BLMH: variants seen among roughly 807,000 people sequenced by gnomAD.
BLMH encodes the protein bleomycin hydrolase.
Under a neutral mutation model 61.6 loss-of-function variants are expected in BLMH, and 32 were observed. That is an observed-to-expected ratio of 0.52 (90% CI 0.39 to 0.70). The LOEUF (loss-of-function observed/expected upper bound fraction) is 0.70. Among genes scored for constraint, BLMH ranks in the 30% least tolerant of loss-of-function variants. The pLI, the probability that BLMH is intolerant of heterozygous loss-of-function variation, is 0.00. For missense variants in BLMH, 460 were observed against 555.5 expected, an observed-to-expected ratio of 0.83 and a Z score of 1.73; for synonymous variants, 183 against 193.8, an observed-to-expected ratio of 0.94 and a Z score of 0.46.
At chr17:30,259,155 A>G (rs1014747341) in intron 11 of BLMH, among the ~76,000 whole-genome samples, 19 of 152,204 alleles carry the variant, frequency 1.2e-4, no homozygotes, top group African/African-American at 4.1e-4. Context: ...TATTCTTACA[A>G]TAGGTTACAA....
At chr17:30,286,326 T>C (rs1463060127) in intron 5 of BLMH, among the ~76,000 whole-genome samples, 2 of 152,224 alleles carry the variant, frequency 1.3e-5, no homozygotes, top group Non-Finnish European at 2.9e-5. Context: ...TTAAGATAAC[T>C]GAAGCAAATA....
At position 30,275,945 on chromosome 17, in the gene BLMH, T is replaced by C. The variant is rs1386082478; in HGVS notation, c.646-1748A>G. Reference sequence around the variant, plus strand: ...TTATATTTACCAAGTGTGCCTATATTGTGCTAGATACTATGTATTTGCTAG... The same window carrying C: ...TTATATTTACCAAGTGTGCCTATATCGTGCTAGATACTATGTATTTGCTAG... On this transcript the variant is annotated intron_variant, in intron 6 of 11. Transcript: ENST00000261714. 3.3e-5 allele frequency among the ~76,000 whole-genome samples: 5 copies of C among 152,180 alleles called. No homozygotes were observed. The East Asian group carries it at 9.6e-4, about 29-fold the overall frequency.
chr17:30,266,737 A>T (rs1908121462), intron 11 of BLMH, 148 bp downstream of exon 11: 1 of 726,342 alleles, frequency 1.4e-6, no homozygotes, highest in South Asian at 1.8e-5. Flanking sequence ...CCTGGGGGCA[A>T]ATCAGATCCT....
At chr17:30,253,361 C>G (rs867015118) in intron 11 of BLMH, among the ~76,000 whole-genome samples, 3 of 152,218 alleles carry the variant, frequency 2.0e-5, no homozygotes, top group Non-Finnish European at 2.9e-5. Flanking sequence ...TTCAATGTCC[C>G]TGCCAAGAGG....
intron 11 of BLMH, among the ~76,000 whole-genome samples, chr17:30,260,744 A>C (rs1359364675): frequency 6.6e-6 from 1 of 152,122 alleles, no homozygotes; most frequent in African/African-American, 2.4e-5. Flanking sequence ...TTAGCTGGGC[A>C]TGGTGGCAGG....
intron 5 of BLMH, 63 bp from the exon 6 acceptor site, chr17:30,285,543 T>A: frequency 7.6e-7 from 1 of 1,323,760 alleles, no homozygotes; most frequent in East Asian, 2.4e-5. Flanking sequence ...ATGACTCTCA[T>A]AGACCAACGC....
At chr17:30,287,575 T>C (rs941404077) in intron 4 of BLMH, among the ~76,000 whole-genome samples, 27 of 152,236 alleles carry the variant, frequency 1.8e-4, no homozygotes, top group African/African-American at 6.0e-4. Context: ...TTCTCCTTAA[T>C]ACTACCTTTT....
intron 5 of BLMH, among the ~76,000 whole-genome samples, chr17:30,285,794 C>T (rs1902351417): frequency 6.6e-6 from 1 of 152,138 alleles, no homozygotes; most frequent in Admixed American, 6.5e-5. Context: ...GCCTATCACT[C>T]AGAAAAAGCA....
chr17:30,276,160 T>C (rs1908419101), intron 6 of BLMH, among the ~76,000 whole-genome samples: 1 of 152,076 alleles, frequency 6.6e-6, no homozygotes, highest in African/African-American at 2.4e-5. Context: ...AACAACAAAA[T>C]ATTGCTCCTT....
intron 11 of BLMH, among the ~76,000 whole-genome samples, chr17:30,256,706 T>A: frequency 6.6e-6 from 1 of 151,816 alleles, no homozygotes. Flanking sequence ...TTATAAACAT[T>A]TTTCTGCTAT....
At chr17:30,287,774 A>G (rs750412507) in intron 4 of BLMH, 32 bp downstream of exon 4, 1 of 1,610,796 alleles carries the variant, frequency 6.2e-7, no homozygotes. Flanking sequence ...AATCATGCTG[A>G]GTTTCAGTTC....
At position 30,291,510 on chromosome 17, in the gene BLMH, T is replaced by C; in HGVS notation, c.14-2A>G. ...CAGCTACCTTCTCCGAATTCAGTCCTGTTGGGAGACCAAACAGGATTTTAA... is the reference window on the plus strand; with the variant it reads ...CAGCTACCTTCTCCGAATTCAGTCCCGTTGGGAGACCAAACAGGATTTTAA... On this transcript the variant is annotated splice_acceptor_variant, in intron 1 of 11. Transcript: ENST00000261714. LOFTEE classifies it high-confidence loss of function. 1 of 1,613,650 alleles carries C rather than the reference T, an allele frequency of 6.2e-7. No homozygotes were observed. Among genetic ancestry groups the C allele is most frequent in the Non-Finnish European group, 8.5e-7 (1 of 1,179,550 alleles).
chr17:30,258,829 TCAGA>T (rs985467041), intron 11 of BLMH, among the ~76,000 whole-genome samples: 9 of 152,234 alleles, frequency 5.9e-5, no homozygotes, highest in Non-Finnish European at 1.3e-4. Flanking sequence ...CCTATTTGTT[TCAGA>T]CAAAGTCTGC....
intron 3 of BLMH, among the ~76,000 whole-genome samples, chr17:30,289,000 ATTAT>A (rs947009819): frequency 6.6e-6 from 1 of 152,140 alleles, no homozygotes; most frequent in African/African-American, 2.4e-5. Flanking sequence ...ATCAAATAAA[ATTAT>A]TTACTGTTTT....
chr17:30,264,549 C>T (rs1460506055), intron 11 of BLMH, among the ~76,000 whole-genome samples: 2 of 152,184 alleles, frequency 1.3e-5, no homozygotes, highest in Non-Finnish European at 2.9e-5. Context: ...CTACATAAAA[C>T]ACATTTTCCT....
At chr17:30,249,869 G>A (rs920198400) in intron 11 of BLMH, 5 of 152,370 alleles carry the variant, frequency 3.3e-5, no homozygotes, top group African/African-American at 1.2e-4. Flanking sequence ...GGCCTCTCCA[G>A]TGGGTTAGGA....
intron 6 of BLMH, among the ~76,000 whole-genome samples, chr17:30,278,695 A>G (rs1345570628): frequency 6.6e-6 from 1 of 152,142 alleles, no homozygotes; most frequent in Non-Finnish European, 1.5e-5. Context: ...CGGGGGACAG[A>G]GCCTCACTCT....
At chr17:30,291,272 G>T in intron 2 of BLMH, 39 bp downstream of exon 2, 1 of 1,585,722 alleles carries the variant, frequency 6.3e-7, no homozygotes, top group Non-Finnish European at 8.6e-7. Flanking sequence ...ACGCTGTCAG[G>T]AAGGTCAAGG....
chr17:30,281,684 T>C (rs1908597214), intron 6 of BLMH, among the ~76,000 whole-genome samples: 1 of 152,156 alleles, frequency 6.6e-6, no homozygotes, highest in Admixed American at 6.5e-5. Context: ...TTTTTGTTTC[T>C]GAGATGGGGT....
Sources: gnomAD v4.1 joint callset for allele counts (sites outside exome capture counted in the v4.1 genomes callset) on GRCh38, gnomAD v4.1.1 for gene constraint, MANE v1.5 for transcripts, NCBI Gene and HGNC (gene_info 2026-07-23, HGNC 2026-07-21) for gene names.